SPOCK3: variants seen among roughly 807,000 people sequenced by gnomAD.
SPOCK3 encodes the protein testican-3.
In SPOCK3, 30 loss-of-function variants were observed where a neutral mutation model predicts 56.6. The observed-to-expected ratio is 0.53, with a 90% CI of 0.40 to 0.72. SPOCK3 has a LOEUF of 0.72. Among genes scored for constraint, SPOCK3 ranks in the 30% least tolerant of loss-of-function variants. SPOCK3 has a pLI of 0.00. For synonymous variants in SPOCK3, 196 were observed against 183.3 expected (o/e 1.07, Z -0.56); for missense variants, 527 against 530.0 (o/e 0.99, Z 0.06).
intron 7 of SPOCK3, among the ~76,000 whole-genome samples, chr4:166,787,860 A>G (rs1740899302): frequency 6.6e-6 from 1 of 152,186 alleles, no homozygotes; most frequent in Non-Finnish European, 1.5e-5. Flanking sequence ...TGTTAGCATT[A>G]TATCTACTAA....
At chr4:167,047,679 C>T (rs1235643733) in intron 3 of SPOCK3, among the ~76,000 whole-genome samples, 1 of 152,190 alleles carries the variant, frequency 6.6e-6, no homozygotes, top group Non-Finnish European at 1.5e-5. Context: ...TTTGTCTTCA[C>T]TGGGGATTCC....
At chr4:167,116,418 T>G (rs1052744890) in intron 2 of SPOCK3, among the ~76,000 whole-genome samples, 3 of 146,896 alleles carry the variant, frequency 2.0e-5, no homozygotes, top group Non-Finnish European at 4.5e-5. Flanking sequence ...CAAAAGTATA[T>G]ATATATACAC....
At chr4:167,132,534 A>C (rs539297509) in intron 2 of SPOCK3, among the ~76,000 whole-genome samples, 2 of 152,308 alleles carry the variant, frequency 1.3e-5, no homozygotes, top group Non-Finnish European at 2.9e-5. Context: ...TAGCCTTTGA[A>C]GGATATTTCT....
chr4:167,012,744 A>C (rs1013205475), intron 3 of SPOCK3, among the ~76,000 whole-genome samples: 3 of 152,028 alleles, frequency 2.0e-5, no homozygotes, highest in African/African-American at 7.2e-5. Context: ...AGTGACCAGT[A>C]ACTTTAACAT....
chr4:166,786,124 G>A (rs1025697222), intron 7 of SPOCK3, among the ~76,000 whole-genome samples: 1 of 152,136 alleles, frequency 6.6e-6, no homozygotes, highest in Non-Finnish European at 1.5e-5. Context: ...TTTTAGATGG[G>A]GTGGAAGGGA....
chr4:167,093,006 TAGAG>T (rs1259186315), intron 2 of SPOCK3, among the ~76,000 whole-genome samples: 1 of 152,212 alleles, frequency 6.6e-6, no homozygotes, highest in African/African-American at 2.4e-5. Flanking sequence ...ATGAAAATGA[TAGAG>T]AAATTCTGAA....
At chr4:167,007,542 C>T (rs1041849234) in intron 3 of SPOCK3, among the ~76,000 whole-genome samples, 1 of 152,004 alleles carries the variant, frequency 6.6e-6, no homozygotes, top group African/African-American at 2.4e-5. Flanking sequence ...ATTTAAGCAA[C>T]ATGTCAGTCC....
chr4:166,852,695 C>G (rs1299329414), intron 6 of SPOCK3, among the ~76,000 whole-genome samples: 1 of 152,086 alleles, frequency 6.6e-6, no homozygotes, highest in Non-Finnish European at 1.5e-5. Flanking sequence ...AGTATGGCAC[C>G]CTGCATGCAA....
intron 6 of SPOCK3, among the ~76,000 whole-genome samples, chr4:166,821,777 G>A (rs969689355): frequency 6.6e-6 from 1 of 151,910 alleles, no homozygotes; most frequent in African/African-American, 2.4e-5. Context: ...ATAAGCATGA[G>A]GTTTCTTTGG....
chr4:167,216,365 C>T (rs1173646360), intron 2 of SPOCK3, among the ~76,000 whole-genome samples: 1 of 151,654 alleles, frequency 6.6e-6, no homozygotes, highest in Non-Finnish European at 1.5e-5. Flanking sequence ...AAGATCAGAA[C>T]TATGATTTGG....
At chr4:167,234,721 T>C (rs1317747675), upstream of SPOCK3, 1 of 164,404 alleles carries the variant, frequency 6.1e-6, no homozygotes, top group African/African-American at 2.4e-5. Context: ...CCAGCTACAG[T>C]TGGCTCCGGA....
At chr4:166,739,168 G>T (rs1318833335) in intron 9 of SPOCK3, among the ~76,000 whole-genome samples, 2 of 152,118 alleles carry the variant, frequency 1.3e-5, no homozygotes, top group Non-Finnish European at 2.9e-5. Context: ...CATTCTAACC[G>T]GTGTGAGATG....
At chr4:166,961,698 A>T (rs946928987) in intron 4 of SPOCK3, among the ~76,000 whole-genome samples, 14 of 152,118 alleles carry the variant, frequency 9.2e-5, no homozygotes, top group Non-Finnish European at 2.9e-5. Context: ...AACCTTCCAA[A>T]AGATAGTTTC....
chr4:167,100,928 T>C (rs1202221455), intron 2 of SPOCK3, among the ~76,000 whole-genome samples: 4 of 152,156 alleles, frequency 2.6e-5, no homozygotes, highest in African/African-American at 7.2e-5. Context: ...CCAAATGTGT[T>C]ACCATCACTC....
chr4:166,765,343 C>A (rs1010003886), intron 7 of SPOCK3, among the ~76,000 whole-genome samples: 1 of 152,098 alleles, frequency 6.6e-6, no homozygotes, highest in Non-Finnish European at 1.5e-5. Flanking sequence ...GTCTTTAATC[C>A]ATCTTGAATT....
chr4:166,906,494 A>C (rs1028795572), intron 5 of SPOCK3, among the ~76,000 whole-genome samples: 1 of 151,344 alleles, frequency 6.6e-6, no homozygotes, highest in Non-Finnish European at 1.5e-5. Context: ...AAAAAAAAAA[A>C]AAAAAAACCT....
intron 2 of SPOCK3, among the ~76,000 whole-genome samples, chr4:167,149,841 GTATA>G (rs5863860): frequency 3.3e-4 from 49 of 148,424 alleles, no homozygotes; most frequent in Non-Finnish European, 2.8e-4. Context: ...ATATATATAT[GTATA>G]TATATATATA....
intron 8 of SPOCK3, among the ~76,000 whole-genome samples, chr4:166,752,567 TATATATACACACACACACACACACAC>T (rs1736542507): frequency 1.8e-5 from 2 of 111,294 alleles, no homozygotes; most frequent in African/African-American, 5.7e-5. Flanking sequence ...TATATATATA[TATATATACACACACACACACACACAC>T]ACACACACAC....
intron 4 of SPOCK3, among the ~76,000 whole-genome samples, chr4:166,990,535 A>G (rs1218036521): frequency 6.6e-6 from 1 of 152,126 alleles, no homozygotes; most frequent in East Asian, 1.9e-4. Flanking sequence ...TTATTTATCT[A>G]CATTAGGCAG....
Sources: gnomAD v4.1 joint callset for allele counts (sites outside exome capture counted in the v4.1 genomes callset) on GRCh38, gnomAD v4.1.1 for gene constraint, MANE v1.5 for transcripts, NCBI Gene and HGNC (gene_info 2026-07-23, HGNC 2026-07-21) for gene names.